Variants in DLG2 observed in about 807,000 individuals in gnomAD.
DLG2 encodes the protein disks large homolog 2.
DLG2 carries 45 observed loss-of-function variants against 132.5 expected under a neutral mutation model. The ratio of observed to expected loss-of-function variants is 0.34; its 90% CI spans 0.27 to 0.44. The LOEUF is 0.44. Ranked by LOEUF, DLG2 falls within the 20% of genes least tolerant of loss-of-function variation. The pLI is 1.00. For missense variants in DLG2, 1,045 were observed against 1,196.9 expected, an observed-to-expected ratio of 0.87 and a Z score of 1.87; for synonymous variants, 424 against 419.6, an observed-to-expected ratio of 1.01 and a Z score of -0.13.
chr11:84,001,659 T>G (rs2094352385), intron 11 of DLG2, among the ~76,000 whole-genome samples: 1 of 152,138 alleles, frequency 6.6e-6, no homozygotes, highest in Non-Finnish European at 1.5e-5. Context: ...TATCAGCGCA[T>G]GAAACATTAT....
At chr11:83,501,488 C>A (rs540579874) in intron 21 of DLG2, among the ~76,000 whole-genome samples, 40 of 152,242 alleles carry the variant, frequency 2.6e-4, no homozygotes, top group Non-Finnish European at 5.3e-4. Context: ...GCAATTTGAA[C>A]AAGTCATTCA....
At chr11:84,459,385 CTATT>C (rs981936412) in intron 7 of DLG2, among the ~76,000 whole-genome samples, 8 of 150,662 alleles carry the variant, frequency 5.3e-5, no homozygotes, top group Non-Finnish European at 6.0e-5. Flanking sequence ...TATCACTTCT[CTATT>C]TATTATCCCA....
rs369922358 is a variant in DLG2 at position 83,980,521 on chromosome 11, T to C, written c.1041A>G (p.Gly347=). 2 of 1,613,358 alleles carry C rather than the reference T, an allele frequency of 1.2e-6. No homozygotes were observed. The highest frequency in any genetic ancestry group is 1.3e-5 in the African/African-American group (1 of 74,876). The stretch of plus-strand genomic sequence containing the variant: ...TCACACTCACCATTAGTAGTCTATC[T>C]CCTACTTGCAACCTTCCATCTTTTT... The part of the protein sequence containing the change: ...AAQKDGRLQV[G]DRLLMVNNYS... Residue 347 remains glycine (G), a synonymous_variant, in exon 12 of 28, where the codon GGA becomes GGG. Coordinates refer to ENST00000376104, the MANE Select transcript of DLG2 (RefSeq NM_001142699.3).
chr11:84,912,560 A>C (rs1419144497), intron 6 of DLG2, among the ~76,000 whole-genome samples: 4 of 152,224 alleles, frequency 2.6e-5, no homozygotes, highest in African/African-American at 9.6e-5. Context: ...TATCATTACT[A>C]ACCATTTCAA....
intron 4 of DLG2, among the ~76,000 whole-genome samples, chr11:85,256,174 C>T (rs939405984): frequency 3.3e-5 from 5 of 152,006 alleles, no homozygotes; most frequent in Non-Finnish European, 7.4e-5. Context: ...AAACCCCAAA[C>T]CCCAGGTTCC....
chr11:84,896,638 T>C (rs2090223201), intron 6 of DLG2, among the ~76,000 whole-genome samples: 1 of 152,048 alleles, frequency 6.6e-6, no homozygotes, highest in Non-Finnish European at 1.5e-5. Flanking sequence ...AGATAGTAGT[T>C]GCCACTTATC....
chr11:84,143,968 G>A (rs2094962804), intron 9 of DLG2, among the ~76,000 whole-genome samples: 1 of 152,142 alleles, frequency 6.6e-6, no homozygotes, highest in Non-Finnish European at 1.5e-5. Context: ...AAGAGAACAA[G>A]AGTGAGGTTT....
intron 7 of DLG2, among the ~76,000 whole-genome samples, chr11:84,372,584 T>C (rs748120346): frequency 6.6e-5 from 10 of 152,346 alleles, no homozygotes; most frequent in Middle Eastern, 3.4e-3. Context: ...GGCAAAGGAA[T>C]TGATTCTTTC....
At chr11:83,514,430 C>G (rs1042572812) in intron 21 of DLG2, among the ~76,000 whole-genome samples, 5 of 152,122 alleles carry the variant, frequency 3.3e-5, no homozygotes, top group Non-Finnish European at 5.9e-5. Context: ...AGATTTTGGG[C>G]TGAGACGATG....
At chr11:84,779,229 T>G (rs570132212) in intron 6 of DLG2, among the ~76,000 whole-genome samples, 2 of 152,112 alleles carry the variant, frequency 1.3e-5, no homozygotes, top group Admixed American at 6.5e-5. Flanking sequence ...TATGTATATA[T>G]ACACACACAC....
At chr11:85,344,116 A>C (rs2082677766) in intron 3 of DLG2, among the ~76,000 whole-genome samples, 1 of 152,180 alleles carries the variant, frequency 6.6e-6, no homozygotes, top group Non-Finnish European at 1.5e-5. Context: ...ACTTTCAATA[A>C]AGCATTTTAC....
At chr11:84,147,672 T>C (rs2095135781) in intron 9 of DLG2, among the ~76,000 whole-genome samples, 1 of 152,142 alleles carries the variant, frequency 6.6e-6, no homozygotes, top group Non-Finnish European at 1.5e-5. Flanking sequence ...TACTTAAATA[T>C]ATATTAATAA....
intron 6 of DLG2, among the ~76,000 whole-genome samples, chr11:84,592,580 C>A (rs2099546007): frequency 1.3e-5 from 2 of 151,872 alleles, no homozygotes; most frequent in South Asian, 4.2e-4. Context: ...TGACAAAGGG[C>A]TAATATCCAG....
At chr11:84,621,327 G>C (rs2099613532) in intron 6 of DLG2, among the ~76,000 whole-genome samples, 2 of 152,116 alleles carry the variant, frequency 1.3e-5, no homozygotes, top group Admixed American at 1.3e-4. Context: ...CTGGAGTAGA[G>C]GAAGTCTGGA....
intron 9 of DLG2, among the ~76,000 whole-genome samples, chr11:84,137,305 A>T (rs1046920647): frequency 1.3e-5 from 2 of 152,108 alleles, no homozygotes; most frequent in African/African-American, 4.8e-5. Context: ...TGGACTTTTT[A>T]AAACTCACAA....
At chr11:84,172,147 T>C (rs1325620676) in intron 8 of DLG2, among the ~76,000 whole-genome samples, 1 of 152,206 alleles carries the variant, frequency 6.6e-6, no homozygotes, top group Non-Finnish European at 1.5e-5. Context: ...AGCAAAAGAT[T>C]TTCTGCTTAA....
chr11:83,995,470 C>T (rs2093972549), intron 11 of DLG2, among the ~76,000 whole-genome samples: 1 of 152,032 alleles, frequency 6.6e-6, no homozygotes, highest in Non-Finnish European at 1.5e-5. Flanking sequence ...TTTGGTCTCC[C>T]TCCATTTTCC....
At chr11:84,467,782 T>C (rs936899631) in intron 7 of DLG2, among the ~76,000 whole-genome samples, 1 of 151,522 alleles carries the variant, frequency 6.6e-6, no homozygotes, top group Non-Finnish European at 1.5e-5. Context: ...AACACCATTA[T>C]AGTTTTATAG....
chr11:84,874,850 G>T (rs541109610), intron 6 of DLG2, among the ~76,000 whole-genome samples: 10 of 152,012 alleles, frequency 6.6e-5, no homozygotes, highest in Admixed American at 4.6e-4. Flanking sequence ...GTGAAACCCC[G>T]TCTCCACTAA....
Sources: gnomAD v4.1 joint callset for allele counts (sites outside exome capture counted in the v4.1 genomes callset) on GRCh38, gnomAD v4.1.1 for gene constraint, MANE v1.5 for transcripts, NCBI Gene and HGNC (gene_info 2026-07-23, HGNC 2026-07-21) for gene names.